The following TNFSF8 variants were observed in gnomAD, a reference collection of about 807,000 sequenced individuals.
TNFSF8 encodes TNF superfamily member 8.
In TNFSF8, 4 loss-of-function variants were observed where a neutral mutation model predicts 22.0. That is an observed-to-expected ratio of 0.18 (90% CI 0.09 to 0.42). The LOEUF is 0.42. Ranked by LOEUF, TNFSF8 falls within the 10% of genes least tolerant of loss-of-function variation. The probability of loss-of-function intolerance (pLI) is 1.00; values close to 1 mark genes in which losing one functional copy is unlikely to be tolerated. For synonymous variants in TNFSF8, 106 were observed against 112.5 expected, an observed-to-expected ratio of 0.94 and a Z score of 0.37; for missense variants, 233 against 281.8, an observed-to-expected ratio of 0.83 and a Z score of 1.24.
At chr9:114,893,803 T>G in exon 5 of TNFSF8, 1 of 392,050 alleles carries the variant, frequency 2.6e-6, no homozygotes, top group Non-Finnish European at 4.8e-6. Context: ...CAGTCATACA[T>G]TTTGGGAAGT....
At chr9:114,925,070 T>G (rs1047789529) in intron 1 of TNFSF8, among the ~76,000 whole-genome samples, 5 of 152,148 alleles carry the variant, frequency 3.3e-5, no homozygotes, top group Non-Finnish European at 7.4e-5. Flanking sequence ...TTCAAGAGGC[T>G]AAAGAAGAGG....
exon 5 of TNFSF8, chr9:114,894,113 T>G: frequency 6.5e-7 from 1 of 1,535,336 alleles, no homozygotes; most frequent in Non-Finnish European, 8.7e-7. Flanking sequence ...GCAGTGTCCC[T>G]TCCCAGAGTC....
chr9:114,917,960 C>A, intron 2 of TNFSF8, 136 bp downstream of exon 2: 1 of 760,594 alleles, frequency 1.3e-6, no homozygotes, highest in East Asian at 3.0e-5. Context: ...TCCTGAACAG[C>A]CCTTGCCTCC....
chr9:114,898,832 T>C (rs1043133012), downstream of TNFSF8, among the ~76,000 whole-genome samples: 1 of 152,152 alleles, frequency 6.6e-6, no homozygotes, highest in Non-Finnish European at 1.5e-5. Context: ...AGGAGAAACC[T>C]ATAATGCGAC....
chr9:114,908,289 G>T (rs1209547080), intron 2 of TNFSF8, among the ~76,000 whole-genome samples: 1 of 152,212 alleles, frequency 6.6e-6, no homozygotes, highest in Non-Finnish European at 1.5e-5. Flanking sequence ...TGGATACAGA[G>T]TAAGTACTTA....
downstream of TNFSF8, among the ~76,000 whole-genome samples, chr9:114,897,956 C>T (rs938403357): frequency 6.6e-6 from 1 of 152,022 alleles, no homozygotes; most frequent in Admixed American, 6.6e-5. Flanking sequence ...TGCTCCTCAA[C>T]ATCGCAGACT....
At chr9:114,913,590 G>A (rs1827878648) in intron 2 of TNFSF8, among the ~76,000 whole-genome samples, 1 of 152,162 alleles carries the variant, frequency 6.6e-6, no homozygotes, top group African/African-American at 2.4e-5. Flanking sequence ...TGGCCAGCAG[G>A]TAGGGGCACT....
chr9:114,924,462 G>A (rs1013807728), intron 1 of TNFSF8, among the ~76,000 whole-genome samples: 1 of 152,130 alleles, frequency 6.6e-6, no homozygotes, highest in Non-Finnish European at 1.5e-5. Flanking sequence ...AATGATAATG[G>A]CATTGCAGTT....
intron 1 of TNFSF8, among the ~76,000 whole-genome samples, chr9:114,926,108 A>AT (rs1828054778): frequency 6.6e-6 from 1 of 152,052 alleles, no homozygotes; most frequent in African/African-American, 2.4e-5. Context: ...ACAGTAAATC[A>AT]TTTTTTTCTT....
chr9:114,922,459 C>G (rs942803875), intron 1 of TNFSF8, among the ~76,000 whole-genome samples: 2 of 152,178 alleles, frequency 1.3e-5, no homozygotes, highest in Non-Finnish European at 2.9e-5. Flanking sequence ...TCTACATGCA[C>G]TATTTCATTT....
intron 2 of TNFSF8, among the ~76,000 whole-genome samples, chr9:114,916,462 G>A (rs778052973): frequency 1.6e-4 from 24 of 152,160 alleles, no homozygotes; most frequent in Non-Finnish European, 3.1e-4. Flanking sequence ...CACTGAGACC[G>A]TGTTCATGTT....
At chr9:114,896,897 CT>C (rs1297644535), downstream of TNFSF8, among the ~76,000 whole-genome samples, 2 of 151,952 alleles carry the variant, frequency 1.3e-5, no homozygotes, top group Non-Finnish European at 2.9e-5. Context: ...CCTGAAAATT[CT>C]TTTTTTCTTT....
Position 114,903,627 on chromosome 9 carries a change from G to T in TNFSF8, c.*304C>A. ...GGAGGCTCTCAAAACAGAAGAAATA[G>T]ATCAAGACCATACAGTGAATTAGAG... On this transcript the variant is annotated 3_prime_UTR_variant, in exon 4 of 4. Coordinates refer to ENST00000223795, the MANE Select transcript of TNFSF8 (RefSeq NM_001244.4). The T allele has an allele frequency of 3.2e-6, 3 of 946,762 alleles. No homozygotes were observed. The highest frequency in any genetic ancestry group is 3.9e-6 in the Non-Finnish European group (3 of 774,284). 58.6% of individuals were successfully genotyped at this position (946,762 alleles called of 1,614,324 possible).
intron 2 of TNFSF8, among the ~76,000 whole-genome samples, chr9:114,911,189 C>T (rs181236410): frequency 9.6e-4 from 146 of 152,312 alleles, no homozygotes; most frequent in African/African-American, 3.2e-3. Context: ...ATTTGATGGA[C>T]GGGAGCTTCT....
chr9:114,918,448 T>C (rs1257404598), intron 1 of TNFSF8, among the ~76,000 whole-genome samples: 1 of 134,596 alleles, frequency 7.4e-6, no homozygotes, highest in Non-Finnish European at 1.7e-5. Flanking sequence ...GGACCAGAGC[T>C]GGGACTTTTT....
downstream of TNFSF8, among the ~76,000 whole-genome samples, chr9:114,896,604 C>T (rs572353596): frequency 5.3e-5 from 8 of 152,186 alleles, no homozygotes; most frequent in South Asian, 1.0e-3. Context: ...TAAATATGTA[C>T]ACTATTTTTG....
At chr9:114,921,238 G>C (rs987909444) in intron 1 of TNFSF8, among the ~76,000 whole-genome samples, 1 of 152,212 alleles carries the variant, frequency 6.6e-6, no homozygotes, top group Non-Finnish European at 1.5e-5. Context: ...ACAGAAGCGT[G>C]ACTATTCCTA....
At chr9:114,928,939 A>G (rs992139523) in intron 1 of TNFSF8, among the ~76,000 whole-genome samples, 16 of 152,310 alleles carry the variant, frequency 1.1e-4, no homozygotes, top group African/African-American at 3.6e-4. Context: ...AAGAAAACTG[A>G]AGAAAAACCA....
chr9:114,929,192 C>T (rs1587942861), intron 1 of TNFSF8, among the ~76,000 whole-genome samples: 1 of 152,182 alleles, frequency 6.6e-6, no homozygotes, highest in East Asian at 1.9e-4. Context: ...TCTTTCTCCT[C>T]CTCTTCTGTT....
Sources: allele counts gnomAD v4.1 joint callset (sites outside exome capture counted in the v4.1 genomes callset), GRCh38; gene constraint gnomAD v4.1.1; transcripts MANE v1.5; gene names NCBI Gene and HGNC (gene_info 2026-07-23, HGNC 2026-07-21).